Variants in RB1 observed in about 807,000 individuals in gnomAD.
RB1 encodes the protein retinoblastoma-associated protein.
A neutral mutation model predicts 135.4 loss-of-function variants in RB1; 18 were observed. The observed-to-expected ratio is 0.13, with a 90% CI of 0.09 to 0.20. The LOEUF is 0.20. Ranked by LOEUF, RB1 falls within the 10% of genes least tolerant of loss-of-function variation. The pLI is 1.00. For synonymous variants in RB1, 365 were observed against 373.2 expected, an observed-to-expected ratio of 0.98 and a Z score of 0.25; for missense variants, 868 against 1,110.0, an observed-to-expected ratio of 0.78 and a Z score of 3.10.
chr13:48,425,362 G>T (rs1225906342), intron 17 of RB1, among the ~76,000 whole-genome samples: 2 of 152,204 alleles, frequency 1.3e-5, no homozygotes, highest in Admixed American at 1.3e-4. Flanking sequence ...ATGTAACCTA[G>T]TCCTACTCTG....
chr13:48,385,272 A>C (rs905256350), intron 17 of RB1, among the ~76,000 whole-genome samples: 2 of 151,766 alleles, frequency 1.3e-5, no homozygotes, highest in African/African-American at 4.8e-5. Flanking sequence ...CAGGTAAAAA[A>C]CCTCCTGTGG....
At chr13:48,459,963 CTTTCTCTCTTT>C (rs2138337818) in intron 20 of RB1, 130 bp downstream of exon 20, 15 of 398,204 alleles carry the variant, frequency 3.8e-5, no homozygotes, top group African/African-American at 3.0e-4. Context: ...TTCTTTCTTT[CTTTCTCTCTTT>C]CTTTCTTTTT....
intron 17 of RB1, among the ~76,000 whole-genome samples, chr13:48,395,662 C>T (rs189440730): frequency 3.3e-5 from 5 of 151,812 alleles, no homozygotes; most frequent in South Asian, 2.1e-4. Flanking sequence ...TGAAATAAAG[C>T]GTGATGACAA....
At position 48,459,731 on chromosome 13, in the gene RB1, C is replaced by T. The variant is rs566777900; in HGVS notation, c.2004C>T (p.Arg668=). ...TCCGGCTAAATACACTTTGTGAACGCCTTCTGTCTGAGCACCCAGAATTAG... is the reference window on the plus strand; with the variant it reads ...TCCGGCTAAATACACTTTGTGAACGTCTTCTGTCTGAGCACCCAGAATTAG... ...AYLRLNTLCE[R]LLSEHPELEH... Residue 668 remains arginine, a synonymous_variant, in exon 20 of 27, where the codon CGC becomes CGT. Coordinates refer to ENST00000267163, the MANE Select transcript of RB1 (RefSeq NM_000321.3). The T allele has an allele frequency of 6.2e-6, 10 of 1,614,006 alleles. No individual in the cohort carries two copies. In the South Asian group the frequency reaches 1.1e-4, roughly 18 times the overall value.
chr13:48,404,549 G>A (rs1003415091), intron 17 of RB1, among the ~76,000 whole-genome samples: 2 of 151,844 alleles, frequency 1.3e-5, no homozygotes, highest in African/African-American at 4.8e-5. Context: ...TTTTTTTAAT[G>A]ACAGTCTCGC....
At chr13:48,350,935 A>G (rs530523794) in intron 6 of RB1, among the ~76,000 whole-genome samples, 1 of 152,086 alleles carries the variant, frequency 6.6e-6, no homozygotes, top group East Asian at 1.9e-4. Context: ...GGCTGCATAG[A>G]ATTCCATGGT....
chr13:48,471,816 T>C (rs542837150), intron 23 of RB1, among the ~76,000 whole-genome samples: 6 of 152,302 alleles, frequency 3.9e-5, no homozygotes, highest in East Asian at 3.9e-4. Flanking sequence ...TGGATTTTTT[T>C]CCTTTTGCTT....
rs930886729 is a variant in RB1, at chr13:48,478,433, C to T, written c.2713+1029C>T. On this transcript the variant is annotated intron_variant, in intron 26 of 26. Transcript: ENST00000267163. ...CTTAAATAGTTGCATCTTTTCCCCT[C>T]AGTACATGAAAATAGACAAGAGGCT... Among the ~76,000 whole-genome samples the T allele has an allele frequency of 3.3e-5, 5 of 152,232 alleles. No homozygotes were observed. In the East Asian group the frequency reaches 9.6e-4, roughly 29 times the overall value.
chr13:48,308,312 T>G (rs1372828850), intron 2 of RB1, among the ~76,000 whole-genome samples: 1 of 150,034 alleles, frequency 6.7e-6, no homozygotes, highest in African/African-American at 2.4e-5. Flanking sequence ...ATCGCACCAC[T>G]GCACTCCAGC....
chr13:48,304,784 G>A (rs1042140061), intron 1 of RB1, among the ~76,000 whole-genome samples: 2 of 151,850 alleles, frequency 1.3e-5, no homozygotes, highest in African/African-American at 4.8e-5. Flanking sequence ...CCTGTTTGAT[G>A]AACTCTTCTT....
chr13:48,340,625 T>C (rs1222174378), intron 2 of RB1, among the ~76,000 whole-genome samples: 1 of 151,224 alleles, frequency 6.6e-6, no homozygotes, highest in East Asian at 1.9e-4. Flanking sequence ...AGGACATATA[T>C]TGAGAGCAGT....
chr13:48,449,517 C>T (rs566384366), intron 17 of RB1, among the ~76,000 whole-genome samples: 1 of 152,282 alleles, frequency 6.6e-6, no homozygotes, highest in East Asian at 1.9e-4. Flanking sequence ...GAGTAGGTTA[C>T]CATTTGTGTA....
At chr13:48,461,826 T>C (rs1566236538) in intron 20 of RB1, among the ~76,000 whole-genome samples, 1 of 152,102 alleles carries the variant, frequency 6.6e-6, no homozygotes, top group East Asian at 1.9e-4. Flanking sequence ...GCCCATTTTA[T>C]TTTTTATTTA....
At position 48,307,018 on chromosome 13, in the gene RB1, G is replaced by C. The variant is rs1981434; in HGVS notation, c.138-262G>C. Among the ~76,000 whole-genome samples the C allele has an allele frequency of 0.56, 85,753 of 152,074 alleles. 28,469 individuals are homozygous for C. Among genetic ancestry groups the C allele is most frequent in the Middle Eastern group, 0.72 (213 of 294 alleles). Reference sequence around the variant, plus strand: ...TTACTTTCCTTCACAGAAGTGTTTTGCTGCTTTGAAGTATATTTGACTTAC... The same window carrying C: ...TTACTTTCCTTCACAGAAGTGTTTTCCTGCTTTGAAGTATATTTGACTTAC... On this transcript the variant is annotated intron_variant, in intron 1 of 26. Coordinates refer to ENST00000267163, the MANE Select transcript of RB1 (RefSeq NM_000321.3).
intron 6 of RB1, among the ~76,000 whole-genome samples, chr13:48,351,101 A>G (rs987921306): frequency 6.6e-6 from 1 of 152,142 alleles, no homozygotes; most frequent in Non-Finnish European, 1.5e-5. Context: ...GTACTCAGTA[A>G]TGGGATTGCT....
intron 7 of RB1, 23 bp downstream of exon 7, chr13:48,360,150 T>C (rs2138108153): frequency 6.2e-7 from 1 of 1,610,810 alleles, no homozygotes; most frequent in Non-Finnish European, 8.5e-7. Flanking sequence ...TTTATGCCCC[T>C]TTTACTTTCT....
intron 2 of RB1, chr13:48,317,675 TG>T: frequency 1.9e-6 from 1 of 538,080 alleles, no homozygotes; most frequent in Non-Finnish European, 2.8e-6. Flanking sequence ...CTGGTGCTCC[TG>T]GGCGGTGCCG....
At chr13:48,453,497 G>C (rs1380656811) in intron 18 of RB1, among the ~76,000 whole-genome samples, 1 of 152,162 alleles carries the variant, frequency 6.6e-6, no homozygotes, top group Non-Finnish European at 1.5e-5. Context: ...CAGTCCATTT[G>C]GAGTGAAGCA....
intron 17 of RB1, among the ~76,000 whole-genome samples, chr13:48,430,691 G>A (rs574468560): frequency 7.9e-5 from 12 of 152,168 alleles, no homozygotes; most frequent in Admixed American, 6.5e-4. Flanking sequence ...AGTGAGCCGA[G>A]ATTGTGCCAC....
Sources: allele counts gnomAD v4.1 joint callset (sites outside exome capture counted in the v4.1 genomes callset), GRCh38; gene constraint gnomAD v4.1.1; transcripts MANE v1.5; gene names NCBI Gene and HGNC (gene_info 2026-07-23, HGNC 2026-07-21).